The following NIM1K variants were observed in gnomAD, a reference collection of about 807,000 sequenced individuals.
NIM1K encodes serine/threonine-protein kinase NIM1.
In NIM1K, 35 loss-of-function variants were observed where a neutral mutation model predicts 37.1. The ratio of observed to expected loss-of-function variants is 0.94; its 90% CI spans 0.72 to 1.25. NIM1K has a LOEUF of 1.25. Ranked by LOEUF, NIM1K falls within the 50% of genes most tolerant of loss-of-function variation. NIM1K has a pLI of 0.00. For missense variants in NIM1K, 564 were observed against 548.0 expected (o/e 1.03, Z -0.29); for synonymous variants, 234 against 206.6 (o/e 1.13, Z -1.14).
intron 2 of NIM1K, among the ~76,000 whole-genome samples, chr5:43,253,368 A>C (rs114259771): frequency 6.6e-6 from 1 of 151,470 alleles, no homozygotes; most frequent in African/African-American, 2.4e-5. Flanking sequence ...TGCCCCGTGG[A>C]TCCAGGAAGG....
intron 2 of NIM1K, among the ~76,000 whole-genome samples, chr5:43,264,265 T>A (rs563286872): frequency 6.6e-6 from 1 of 152,350 alleles, no homozygotes; most frequent in East Asian, 1.9e-4. Context: ...TAAGTCTCTT[T>A]GTAGGTCTCT....
intron 1 of NIM1K, among the ~76,000 whole-genome samples, chr5:43,228,659 T>C (rs1052058742): frequency 1.4e-5 from 2 of 143,268 alleles, no homozygotes; most frequent in African/African-American, 5.1e-5. Context: ...ACCCTGTCTC[T>C]ACAAAAAAAA....
At chr5:43,211,522 G>A (rs1752203753) in intron 1 of NIM1K, among the ~76,000 whole-genome samples, 1 of 152,218 alleles carries the variant, frequency 6.6e-6, no homozygotes, top group Admixed American at 6.5e-5. Context: ...GTGAGACCTT[G>A]CGGTTTCTTC....
intron 1 of NIM1K, among the ~76,000 whole-genome samples, chr5:43,234,628 A>C (rs1752591119): frequency 6.6e-6 from 1 of 151,970 alleles, no homozygotes; most frequent in East Asian, 1.9e-4. Context: ...CTTATTTTAT[A>C]GTATTTTATT....
intron 1 of NIM1K, among the ~76,000 whole-genome samples, chr5:43,198,375 C>G (rs898401682): frequency 1.3e-5 from 2 of 148,836 alleles, no homozygotes; most frequent in Non-Finnish European, 3.0e-5. Flanking sequence ...TCTCTCTCCC[C>G]CTTCCTCCCT....
intron 1 of NIM1K, among the ~76,000 whole-genome samples, chr5:43,226,407 A>ATCT (rs1752457954): frequency 6.6e-6 from 1 of 152,182 alleles, no homozygotes; most frequent in East Asian, 1.9e-4. Context: ...TTCTGGAAAT[A>ATCT]TTTTGAAGGT....
Position 43,245,570 on chromosome 5 carries a change from TC to T in NIM1K, c.-204del, listed in dbSNP as rs1162512525. 1 of 493,096 alleles carries T rather than the reference TC, an allele frequency of 2.0e-6. No individual in the cohort carries two copies. Among genetic ancestry groups the T allele is most frequent in the Non-Finnish European group, 3.6e-6 (1 of 280,518 alleles). The allele number at this position is 493,096 out of a possible 1,614,324, so 30.5% of individuals were successfully genotyped here. A position where few individuals can be genotyped will look rare whatever the true frequency, so the allele number is the denominator to read the frequency against. ...AAATGTCTTGAGTGAGGCGAGCAGC[TC>T]CTGGCTGGGCTGGGCAGACTCAGCT... On this transcript the variant is annotated 5_prime_UTR_variant, in exon 2 of 4. Coordinates refer to ENST00000326035, the MANE Select transcript of NIM1K (RefSeq NM_153361.4).
At chr5:43,241,561 G>A (rs940810402) in intron 1 of NIM1K, among the ~76,000 whole-genome samples, 1 of 151,752 alleles carries the variant, frequency 6.6e-6, no homozygotes, top group Non-Finnish European at 1.5e-5. Context: ...GGAGGATATC[G>A]ATCTCTTGAC....
intron 1 of NIM1K, among the ~76,000 whole-genome samples, chr5:43,226,515 A>C (rs1188552117): frequency 2.0e-5 from 3 of 152,246 alleles, no homozygotes; most frequent in Admixed American, 2.0e-4. Flanking sequence ...ATTTACCAAT[A>C]TGGGGAAAAC....
At chr5:43,271,466 G>A (rs1753255508) in intron 2 of NIM1K, among the ~76,000 whole-genome samples, 1 of 152,014 alleles carries the variant, frequency 6.6e-6, no homozygotes, top group African/African-American at 2.4e-5. Context: ...GTGTAAATCA[G>A]TAGTACATGG....
chr5:43,207,702 G>C (rs1349429680), intron 1 of NIM1K: 1 of 511,884 alleles, frequency 2.0e-6, no homozygotes, highest in Non-Finnish European at 3.8e-6. Flanking sequence ...TCATAGAACA[G>C]TTGCTCTATG....
intron 1 of NIM1K, among the ~76,000 whole-genome samples, chr5:43,230,222 T>C (rs1441783563): frequency 1.3e-5 from 2 of 151,938 alleles, no homozygotes; most frequent in Admixed American, 1.3e-4. Context: ...CCTGGGTTGA[T>C]CTGGTGACTG....
At chr5:43,250,253 G>A (rs1752849311) in intron 2 of NIM1K, among the ~76,000 whole-genome samples, 1 of 151,920 alleles carries the variant, frequency 6.6e-6, no homozygotes, top group African/African-American at 2.4e-5. Flanking sequence ...ATATTTATGT[G>A]TATATATTAT....
At chr5:43,233,213 A>G (rs1752567513) in intron 1 of NIM1K, 9 of 957,156 alleles carry the variant, frequency 9.4e-6, no homozygotes, top group Non-Finnish European at 1.4e-5. Context: ...GGTGGAGACA[A>G]GGAGAGATTG....
chr5:43,231,799 T>A (rs1293469769), intron 1 of NIM1K: 160 of 1,220,750 alleles, frequency 1.3e-4, no homozygotes, highest in Non-Finnish European at 1.8e-4. Context: ...AGCACCTTTG[T>A]GACGTTTTCA....
At chr5:43,206,470 A>G (rs1218930708) in intron 1 of NIM1K, among the ~76,000 whole-genome samples, 3 of 145,404 alleles carry the variant, frequency 2.1e-5, no homozygotes, top group Non-Finnish European at 4.5e-5. Flanking sequence ...GCTGCACTCC[A>G]GCATGGGTGA....
chr5:43,210,395 A>G (rs1022114555), intron 1 of NIM1K, among the ~76,000 whole-genome samples: 13 of 152,182 alleles, frequency 8.5e-5, no homozygotes, highest in African/African-American at 1.7e-4. Flanking sequence ...TTGAGTATCT[A>G]TGAGGTGCCA....
intron 1 of NIM1K, among the ~76,000 whole-genome samples, chr5:43,196,081 C>T (rs1751909537): frequency 6.6e-6 from 1 of 152,100 alleles, no homozygotes; most frequent in Non-Finnish European, 1.5e-5. Flanking sequence ...TCCCTGCCAC[C>T]CATCCAAGTG....
downstream of NIM1K, chr5:43,280,850 AT>A (rs529182196): frequency 1.6e-4 from 150 of 931,318 alleles, no homozygotes; most frequent in Admixed American, 2.3e-4. Context: ...TGAGATATGC[AT>A]TTTTTTTCTC....
Sources: allele counts gnomAD v4.1 joint callset (sites outside exome capture counted in the v4.1 genomes callset), GRCh38; gene constraint gnomAD v4.1.1; transcripts MANE v1.5; gene names NCBI Gene and HGNC (gene_info 2026-07-23, HGNC 2026-07-21).